The following SCFD2 variants were observed in gnomAD, a reference collection of about 807,000 sequenced individuals.
SCFD2 encodes sec1 family domain-containing protein 2.
SCFD2 carries 54 observed loss-of-function variants against 58.9 expected under a neutral mutation model. The ratio of observed to expected loss-of-function variants is 0.92; its 90% CI spans 0.74 to 1.15. The LOEUF is 1.15. Among genes scored for constraint, SCFD2 ranks in the 50% most tolerant of loss-of-function variants. The pLI is 0.00. For missense variants in SCFD2, 805 were observed against 836.6 expected (o/e 0.96, Z 0.47); for synonymous variants, 321 against 335.9 (o/e 0.96, Z 0.49).
At chr4:53,226,457 T>C (rs1729219378) in intron 4 of SCFD2, among the ~76,000 whole-genome samples, 1 of 152,152 alleles carries the variant, frequency 6.6e-6, no homozygotes, top group East Asian at 1.9e-4. Context: ...CAAGTCTTTT[T>C]CCCAACATTA....
intron 2 of SCFD2, among the ~76,000 whole-genome samples, chr4:53,348,865 C>T (rs150757915): frequency 0.017 from 2,626 of 152,118 alleles, 78 homozygotes; most frequent in African/African-American, 0.06. Flanking sequence ...CAGGCATGCG[C>T]CACCATGCCT....
At chr4:53,089,239 T>C (rs1203805747) in intron 5 of SCFD2, among the ~76,000 whole-genome samples, 1 of 152,212 alleles carries the variant, frequency 6.6e-6, no homozygotes, top group East Asian at 1.9e-4. Context: ...ATGGTTTATC[T>C]TTTTATTGGT....
chr4:53,234,730 T>A (rs969951870), intron 4 of SCFD2, among the ~76,000 whole-genome samples: 1 of 152,228 alleles, frequency 6.6e-6, no homozygotes, highest in African/African-American at 2.4e-5. Context: ...AATTCATTAT[T>A]TTGATCACTT....
chr4:53,202,503 A>G (rs1042590316), intron 4 of SCFD2, among the ~76,000 whole-genome samples: 23 of 151,052 alleles, frequency 1.5e-4, no homozygotes, highest in Non-Finnish European at 4.4e-5. Context: ...TGACTTGGCA[A>G]TGCAGGCTCT....
In SCFD2 at chr4:53,139,403, CTG is replaced by C. The variant is rs1324209225; in HGVS notation, c.1561+5928_1561+5929del. ...GGAAGTGAGGAGCGCCTCTTCCCGG[CTG>C]CCGGCCGTCATCCTGTCTAGGAAGT... On this transcript the variant is annotated intron_variant, in intron 5 of 8. Coordinates refer to ENST00000401642, the MANE Select transcript of SCFD2 (RefSeq NM_152540.4). Among the ~76,000 whole-genome samples the C allele has an allele frequency of 1.1e-3, 121 of 114,600 alleles. 3 individuals carry two copies. Among genetic ancestry groups the C allele is most frequent in the African/African-American group, 3.0e-3 (112 of 37,544 alleles). The allele number at this position is 114,600 out of a possible 152,430, so 75.2% of individuals were successfully genotyped here.
intron 3 of SCFD2, among the ~76,000 whole-genome samples, chr4:53,293,223 T>G (rs1731904059): frequency 2.6e-5 from 4 of 152,136 alleles, no homozygotes; most frequent in Admixed American, 2.0e-4. Flanking sequence ...AAATACTGCA[T>G]GTTCTCACTT....
chr4:52,995,800 G>T (rs1013746990), intron 5 of SCFD2, among the ~76,000 whole-genome samples: 2 of 152,202 alleles, frequency 1.3e-5, no homozygotes, highest in Non-Finnish European at 2.9e-5. Context: ...GGTCATCGTG[G>T]TATTCCACAT....
intron 4 of SCFD2, among the ~76,000 whole-genome samples, chr4:53,220,230 G>A (rs1225636221): frequency 6.6e-6 from 1 of 152,134 alleles, no homozygotes; most frequent in African/African-American, 2.4e-5. Flanking sequence ...AATTATTGAA[G>A]AGCCAATACA....
intron 2 of SCFD2, among the ~76,000 whole-genome samples, chr4:53,349,678 A>G (rs1344548262): frequency 6.6e-6 from 1 of 152,230 alleles, no homozygotes; most frequent in African/African-American, 2.4e-5. Context: ...AGTGCTGGGG[A>G]GTCAAGGTTA....
intron 3 of SCFD2, among the ~76,000 whole-genome samples, chr4:53,278,066 A>C (rs1202510291): frequency 6.9e-6 from 1 of 143,984 alleles, no homozygotes; most frequent in Non-Finnish European, 1.5e-5. Flanking sequence ...CAAAAAACAA[A>C]AAAAAAAAAA....
chr4:53,331,527 A>G (rs565867164), intron 2 of SCFD2, among the ~76,000 whole-genome samples: 1 of 152,360 alleles, frequency 6.6e-6, no homozygotes, highest in East Asian at 1.9e-4. Flanking sequence ...AGGCAGCAAT[A>G]AAGATGTTCT....
At chr4:52,935,216 C>T (rs955262017) in intron 5 of SCFD2, among the ~76,000 whole-genome samples, 1 of 152,162 alleles carries the variant, frequency 6.6e-6, no homozygotes, top group African/African-American at 2.4e-5. Context: ...TAAATAGTTG[C>T]TGAATGAAAC....
At chr4:53,200,637 G>C (rs1475922942) in intron 4 of SCFD2, among the ~76,000 whole-genome samples, 5 of 151,982 alleles carry the variant, frequency 3.3e-5, no homozygotes, top group African/African-American at 1.2e-4. Context: ...TCTCGTAACT[G>C]AAAAAACTTT....
At chr4:53,338,997 C>T (rs1392542951) in intron 2 of SCFD2, among the ~76,000 whole-genome samples, 1 of 151,468 alleles carries the variant, frequency 6.6e-6, no homozygotes, top group Admixed American at 6.6e-5. Flanking sequence ...TTTGTTGCAG[C>T]AGATCTACTC....
chr4:53,258,103 G>A (rs935714565), intron 4 of SCFD2, among the ~76,000 whole-genome samples: 6 of 152,072 alleles, frequency 3.9e-5, no homozygotes, highest in Admixed American at 1.3e-4. Flanking sequence ...ACTTGTTCTC[G>A]CTCCATATCC....
chr4:53,271,683 C>T (rs1171924781), intron 4 of SCFD2, among the ~76,000 whole-genome samples: 1 of 151,930 alleles, frequency 6.6e-6, no homozygotes, highest in Non-Finnish European at 1.5e-5. Context: ...GGCTGGTCTC[C>T]AACTCCTAAC....
At chr4:53,264,819 TCCTA>T (rs1051024487) in intron 4 of SCFD2, among the ~76,000 whole-genome samples, 1 of 152,200 alleles carries the variant, frequency 6.6e-6, no homozygotes, top group African/African-American at 2.4e-5. Flanking sequence ...AAAAAACCAA[TCCTA>T]CCTATTAAAA....
intron 6 of SCFD2, among the ~76,000 whole-genome samples, chr4:52,910,326 T>C (rs945095203): frequency 1.3e-5 from 2 of 152,210 alleles, no homozygotes; most frequent in Non-Finnish European, 2.9e-5. Flanking sequence ...AGACAGGACA[T>C]TCCTTAGAGA....
intron 3 of SCFD2, among the ~76,000 whole-genome samples, chr4:53,309,582 A>T (rs1388228570): frequency 7.2e-5 from 11 of 152,188 alleles, no homozygotes; most frequent in Non-Finnish European, 1.3e-4. Context: ...AGGCAATGCA[A>T]TGGAATTATA....
Sources: allele counts gnomAD v4.1 joint callset (sites outside exome capture counted in the v4.1 genomes callset), GRCh38; gene constraint gnomAD v4.1.1; transcripts MANE v1.5; gene names NCBI Gene and HGNC (gene_info 2026-07-23, HGNC 2026-07-21).